The following AGMO variants were observed in gnomAD, a reference collection of about 807,000 sequenced individuals.
The protein encoded by AGMO is alkylglycerol monooxygenase, also known as glyceryl-ether monooxygenase.
AGMO carries 75 observed loss-of-function variants against 60.2 expected under a neutral mutation model. That is an observed-to-expected ratio of 1.25 (90% CI 1.03 to 1.51). The LOEUF (loss-of-function observed/expected upper bound fraction) is 1.51, where lower values mean the gene tolerates loss of function less well. Among genes scored for constraint, AGMO ranks in the 40% most tolerant of loss-of-function variants. The probability of loss-of-function intolerance (pLI) is 0.00; values close to 1 mark genes in which losing one functional copy is unlikely to be tolerated. For missense variants in AGMO, 763 were observed against 525.5 expected (o/e 1.45, Z -4.42); for synonymous variants, 261 against 177.1 (o/e 1.47, Z -3.76).
chr7:15,278,248 G>A (rs2090600833), intron 12 of AGMO, among the ~76,000 whole-genome samples: 1 of 152,130 alleles, frequency 6.6e-6, no homozygotes, highest in Non-Finnish European at 1.5e-5. Flanking sequence ...GAAGGGGAGT[G>A]ACTTTACCTT....
intron 6 of AGMO, among the ~76,000 whole-genome samples, chr7:15,393,538 T>C (rs1267130381): frequency 2.0e-5 from 3 of 152,230 alleles, no homozygotes; most frequent in Admixed American, 2.0e-4. Context: ...TGCACATTGC[T>C]ATATAGGGCT....
At chr7:15,488,104 A>G (rs776841518) in intron 3 of AGMO, among the ~76,000 whole-genome samples, 1 of 152,216 alleles carries the variant, frequency 6.6e-6, no homozygotes, top group Non-Finnish European at 1.5e-5. Context: ...GCAAAGAGCA[A>G]GGCATAAAGC....
intron 3 of AGMO, among the ~76,000 whole-genome samples, chr7:15,520,289 T>C (rs1164216901): frequency 6.6e-6 from 1 of 152,026 alleles, no homozygotes; most frequent in African/African-American, 2.4e-5. Context: ...GACAGATCAA[T>C]GAGATAGAAA....
the AGMO span, among the ~76,000 whole-genome samples, chr7:15,145,752 G>C: frequency 2.6e-5 from 4 of 152,072 alleles, no homozygotes; most frequent in Non-Finnish European, 5.9e-5. Context: ...GTAGGTTTTT[G>C]AGGATATTCT....
chr7:15,329,278 T>C (rs1173369776), intron 12 of AGMO, among the ~76,000 whole-genome samples: 1 of 152,236 alleles, frequency 6.6e-6, no homozygotes, highest in Non-Finnish European at 1.5e-5. Flanking sequence ...TGACACATAG[T>C]TGCTTCCCTT....
chr7:15,367,862 A>G (rs1047304099), intron 10 of AGMO, among the ~76,000 whole-genome samples: 3 of 152,238 alleles, frequency 2.0e-5, no homozygotes, highest in South Asian at 4.1e-4. Flanking sequence ...TGAAATGAAT[A>G]TAAGGAATTT....
intron 12 of AGMO, among the ~76,000 whole-genome samples, chr7:15,311,170 A>C (rs1374293875): frequency 6.6e-6 from 1 of 152,058 alleles, no homozygotes; most frequent in Admixed American, 6.6e-5. Flanking sequence ...CAAAACCAAA[A>C]ATGCTAGATT....
At chr7:15,365,416 ACTGGT>A in intron 12 of AGMO, 93 bp downstream of exon 12, 1 of 578,644 alleles carries the variant, frequency 1.7e-6, no homozygotes, top group Non-Finnish European at 2.9e-6. Context: ...TCCCACATGT[ACTGGT>A]CAGAAATGAA....
chr7:15,213,427 A>G (rs1466738904), intron 12 of AGMO, among the ~76,000 whole-genome samples: 1 of 151,932 alleles, frequency 6.6e-6, no homozygotes, highest in Non-Finnish European at 1.5e-5. Context: ...AATAATAAAA[A>G]TGACCAACAC....
intron 12 of AGMO, among the ~76,000 whole-genome samples, chr7:15,289,984 C>G (rs1784213732): frequency 1.0e-5 from 1 of 99,068 alleles, no homozygotes; most frequent in South Asian, 3.5e-4. Context: ...TGGAGTCTCG[C>G]TATGTTGCCC....
At chr7:15,384,403 T>C (rs7792226) in intron 10 of AGMO, among the ~76,000 whole-genome samples, 61,280 of 152,090 alleles carry the variant, frequency 0.4, 13,289 homozygotes, top group African/African-American at 0.56. Context: ...TGGATTCATA[T>C]ATTGTCAACA....
At chr7:15,161,687 G>GTA in the AGMO span, among the ~76,000 whole-genome samples, 4 of 150,678 alleles carry the variant, frequency 2.7e-5, no homozygotes, top group Non-Finnish European at 5.9e-5. Flanking sequence ...ATATGTATAT[G>GTA]TATATATGTG....
At chr7:15,279,469 G>T (rs115473132) in intron 12 of AGMO, among the ~76,000 whole-genome samples, 2,901 of 151,092 alleles carry the variant, frequency 0.019, 78 homozygotes, top group African/African-American at 0.067. Context: ...AACACTGGTT[G>T]TTTTTTTTTA....
chr7:15,553,808 A>G (rs931392293), intron 2 of AGMO, among the ~76,000 whole-genome samples: 1 of 152,100 alleles, frequency 6.6e-6, no homozygotes, highest in Non-Finnish European at 1.5e-5. Flanking sequence ...GCAGACACCC[A>G]ATTTATTACT....
At chr7:15,480,053 A>G (rs560839568) in intron 3 of AGMO, among the ~76,000 whole-genome samples, 1 of 152,322 alleles carries the variant, frequency 6.6e-6, no homozygotes, top group South Asian at 2.1e-4. Context: ...AAGGTGAGAC[A>G]GCGGGGTAAT....
chr7:15,310,413 T>C (rs1249951976), intron 12 of AGMO, among the ~76,000 whole-genome samples: 2 of 152,170 alleles, frequency 1.3e-5, no homozygotes, highest in Non-Finnish European at 2.9e-5. Flanking sequence ...TGGTTTCCAT[T>C]TGGAAAATTT....
chr7:15,387,677 T>G, intron 8 of AGMO, 137 bp from the exon 9 acceptor site: 1 of 711,796 alleles, frequency 1.4e-6, no homozygotes, highest in Non-Finnish European at 2.3e-6. Context: ...GCAACAGAAA[T>G]GTGTAATTGC....
chr7:15,231,407 T>G (rs1375320879), intron 12 of AGMO, among the ~76,000 whole-genome samples: 1 of 152,170 alleles, frequency 6.6e-6, no homozygotes, highest in African/African-American at 2.4e-5. Flanking sequence ...CAACATTCTC[T>G]CCCTATCTCA....
intron 12 of AGMO, among the ~76,000 whole-genome samples, chr7:15,287,377 C>T (rs1334661416): frequency 1.3e-5 from 2 of 151,968 alleles, no homozygotes; most frequent in Admixed American, 6.6e-5. Flanking sequence ...TCTTTGCCAC[C>T]GATATGTCCT....
Sources: gnomAD v4.1 joint callset for allele counts (sites outside exome capture counted in the v4.1 genomes callset) on GRCh38, gnomAD v4.1.1 for gene constraint, MANE v1.5 for transcripts, NCBI Gene and HGNC (gene_info 2026-07-23, HGNC 2026-07-21) for gene names.